CCDC63: variants seen among roughly 807,000 people sequenced by gnomAD.
The protein encoded by CCDC63 is coiled-coil domain containing 63.
Under a neutral mutation model 63.6 loss-of-function variants are expected in CCDC63, and 54 were observed. That is an observed-to-expected ratio of 0.85 (90% CI 0.68 to 1.07). CCDC63 has a LOEUF of 1.07. CCDC63 is among the 50% of genes least tolerant of loss of function. CCDC63 has a pLI of 0.00. For missense variants in CCDC63, 637 were observed against 689.6 expected (o/e 0.92, Z 0.86); for synonymous variants, 253 against 266.1 (o/e 0.95, Z 0.48).
intron 6 of CCDC63, among the ~76,000 whole-genome samples, chr12:110,880,722 GGTT>G (rs2136696916): frequency 1.2e-5 from 1 of 83,680 alleles, no homozygotes; most frequent in Non-Finnish European, 2.6e-5. Context: ...TGGTGATGAT[GGTT>G]ATAGTGATGG....
Position 110,881,104 on chromosome 12 carries a change from C to T in CCDC63, c.672-11C>T. ...CCTCAGATGCTCAGGCTCTGTACTC[C>T]CTTTGCCCAGGGTGGAGGCCATGGC... On this transcript the variant is annotated splice_polypyrimidine_tract_variant and intron_variant, in intron 6 of 11. Transcript: ENST00000308208. 2 of 1,605,434 alleles carry T rather than the reference C, an allele frequency of 1.2e-6. No homozygotes were observed. Among genetic ancestry groups the T allele is most frequent in the Non-Finnish European group, 1.7e-6 (2 of 1,176,446 alleles).
chr12:110,854,332 G>A (rs1389049935), intron 3 of CCDC63, among the ~76,000 whole-genome samples: 5 of 110,796 alleles, frequency 4.5e-5, no homozygotes, highest in Non-Finnish European at 6.8e-5. Flanking sequence ...CACTGTTGTC[G>A]CCCAACCTGG....
intron 4 of CCDC63, among the ~76,000 whole-genome samples, chr12:110,867,861 G>A (rs1258911791): frequency 6.6e-6 from 1 of 151,870 alleles, no homozygotes; most frequent in Non-Finnish European, 1.5e-5. Flanking sequence ...CGGACGGGGT[G>A]GCTGCCAGGT....
intron 4 of CCDC63, among the ~76,000 whole-genome samples, chr12:110,868,710 G>A (rs897622067): frequency 7.2e-6 from 1 of 139,792 alleles, no homozygotes; most frequent in Non-Finnish European, 1.6e-5. Flanking sequence ...GGGAGACCGT[G>A]GGGAGAGGGA....
intron 5 of CCDC63, 107 bp downstream of exon 5, chr12:110,874,068 TG>T: frequency 7.0e-7 from 1 of 1,425,258 alleles, no homozygotes. Context: ...TTTCCCTGGT[TG>T]ACTCAGGAGC....
Position 110,907,033 on chromosome 12 carries a change from C to T in CCDC63, c.1547-298C>T, listed in dbSNP as rs1432752877. On this transcript the variant is annotated intron_variant, in intron 11 of 11. Coordinates refer to ENST00000308208, the MANE Select transcript of CCDC63 (RefSeq NM_152591.3). This position sits in a 1 kb window ranked among gnomAD's most constrained non-coding sequence, Gnocchi z 4.4. ...AATCAAGTGGGGGCTGGATTTCAGC[C>T]CATCCATCTACCGCTCTCCTCAGGT... Among the ~76,000 whole-genome samples, 1 of 152,178 alleles carries T rather than the reference C, an allele frequency of 6.6e-6. No homozygotes were observed. The highest frequency in any genetic ancestry group is 2.4e-5 in the African/African-American group (1 of 41,426).
Position 110,877,695 on chromosome 12 carries a change from ACTTT to A in CCDC63, c.490-2198_490-2195del, listed in dbSNP as rs758237832. Among the ~76,000 whole-genome samples the A allele has an allele frequency of 8.5e-5, 12 of 141,804 alleles. 1 individual carries two copies. The highest frequency in any genetic ancestry group is 6.0e-4 in the East Asian group (3 of 5,028). 93.0% of individuals were successfully genotyped at this position (141,804 alleles called of 152,430 possible). A position where few individuals can be genotyped will look rare whatever the true frequency, so the allele number is the denominator to read the frequency against. The stretch of plus-strand genomic sequence containing the variant: ...TTTATTCTCTATCTCTGTATATTTG[ACTTT>A]CTTTCTTTCTTTTTTTTTTTTTTTG... On this transcript the variant is annotated intron_variant, in intron 5 of 11. Coordinates refer to ENST00000308208, the MANE Select transcript of CCDC63 (RefSeq NM_152591.3).
At chr12:110,902,884 A>ATT (rs71083163) in intron 10 of CCDC63, among the ~76,000 whole-genome samples, 41 of 135,518 alleles carry the variant, frequency 3.0e-4, no homozygotes, top group South Asian at 1.5e-3. Context: ...CGCCCGGCTA[A>ATT]TTTTTTTTTT....
At chr12:110,890,289 C>T (rs938757727) in intron 8 of CCDC63, among the ~76,000 whole-genome samples, 2 of 150,184 alleles carry the variant, frequency 1.3e-5, no homozygotes, top group South Asian at 4.2e-4. Flanking sequence ...GGCAAGAGAG[C>T]AAGACCCTGT....
At chr12:110,881,538 G>T (rs2071209447) in intron 7 of CCDC63, among the ~76,000 whole-genome samples, 2 of 152,228 alleles carry the variant, frequency 1.3e-5, no homozygotes, top group Admixed American at 6.5e-5. Context: ...TGACCAACAT[G>T]GTGAAACCCC....
chr12:110,889,898 G>A lies in CCDC63; in HGVS notation c.1075-3178G>A, dbSNP rs1389598967. 2.7e-5 allele frequency among the ~76,000 whole-genome samples: 4 copies of A among 150,814 alleles called. No individual in the cohort carries two copies. Among genetic ancestry groups the A allele is most frequent in the South Asian group, 2.1e-4 (1 of 4,774 alleles). Reference sequence around the variant, plus strand: ...TTTCCAAAATCATATATTTTTTTCCGATTAGAATTTTTTTTCACAATTTGG... The same window carrying A: ...TTTCCAAAATCATATATTTTTTTCCAATTAGAATTTTTTTTCACAATTTGG... On this transcript the variant is annotated intron_variant, in intron 8 of 11. Transcript: ENST00000308208. This position sits in a 1 kb window ranked among gnomAD's most constrained non-coding sequence, Gnocchi z 4.1.
chr12:110,857,090 C>A (rs889372835), intron 3 of CCDC63, among the ~76,000 whole-genome samples: 2 of 151,732 alleles, frequency 1.3e-5, no homozygotes, highest in African/African-American at 4.8e-5. Context: ...CAGGAGTGAG[C>A]CACTGCGCCA....
chr12:110,901,441 T>C (rs1207559011), intron 10 of CCDC63, among the ~76,000 whole-genome samples: 2 of 152,172 alleles, frequency 1.3e-5, no homozygotes, highest in East Asian at 1.9e-4. Flanking sequence ...TTGCCCAGGC[T>C]GGCCTCGAAC....
intron 8 of CCDC63, among the ~76,000 whole-genome samples, chr12:110,885,059 G>T (rs146587906): frequency 6.6e-6 from 1 of 151,858 alleles, no homozygotes; most frequent in Non-Finnish European, 1.5e-5. Flanking sequence ...CAACCCAATA[G>T]TGACTTTATA....
chr12:110,857,893 G>A (rs2070794767), intron 3 of CCDC63, among the ~76,000 whole-genome samples: 2 of 152,058 alleles, frequency 1.3e-5, no homozygotes, highest in Non-Finnish European at 1.5e-5. Flanking sequence ...GATCACATGA[G>A]GCCAGTAGTT....
intron 8 of CCDC63, among the ~76,000 whole-genome samples, chr12:110,891,293 A>G (rs1379462248): frequency 2.6e-5 from 4 of 151,448 alleles, no homozygotes; most frequent in Non-Finnish European, 5.9e-5. Context: ...CCTGGGCAAC[A>G]GAGCAAGAGC....
chr12:110,868,534 G>A lies in CCDC63; in HGVS notation c.370-5308G>A, dbSNP rs983011659. 5.8e-4 allele frequency among the ~76,000 whole-genome samples: 88 copies of A among 150,902 alleles called. 1 individual carries two copies. In the East Asian group the frequency reaches 0.014, roughly 24 times the overall value. On this transcript the variant is annotated intron_variant, in intron 4 of 11. Transcript: ENST00000308208. The stretch of plus-strand genomic sequence containing the variant: ...CACTCGCGGTTAGGGGCTGGAGACC[G>A]GCCCGGCCAACACAGCGAAACCCCG...
At chr12:110,871,600 C>G (rs1232880461) in intron 4 of CCDC63, among the ~76,000 whole-genome samples, 1 of 148,076 alleles carries the variant, frequency 6.8e-6, no homozygotes, top group Non-Finnish European at 1.5e-5. Context: ...TGCTCTGTCA[C>G]CAGAGCAAGA....
At chr12:110,856,087 CTTTT>C (rs540538418) in intron 3 of CCDC63, among the ~76,000 whole-genome samples, 1 of 130,362 alleles carries the variant, frequency 7.7e-6, no homozygotes, top group African/African-American at 2.8e-5. Flanking sequence ...TTTTTTTTTT[CTTTT>C]TTTTTTTTTT....
Sources: allele counts gnomAD v4.1 joint callset (sites outside exome capture counted in the v4.1 genomes callset), GRCh38; gene constraint gnomAD v4.1.1; non-coding constraint Gnocchi (gnomAD v3.1); transcripts MANE v1.5; gene names NCBI Gene and HGNC (gene_info 2026-07-23, HGNC 2026-07-21).